Variants in CSTPP1 observed in about 807,000 individuals in gnomAD.
The protein encoded by CSTPP1 is UPF0705 protein C11orf49.
the CSTPP1 span, among the ~76,000 whole-genome samples, chr11:47,076,985 T>C: frequency 6.9e-6 from 1 of 144,086 alleles, no homozygotes; most frequent in Non-Finnish European, 1.5e-5. Context: ...AAAAGAAAAC[T>C]GAAGGCCCAG....
the CSTPP1 span, chr11:47,157,044 C>T: frequency 6.2e-7 from 1 of 1,614,108 alleles, no homozygotes; most frequent in Admixed American, 1.7e-5. Flanking sequence ...AGTGTGGCTG[C>T]CATCTATGAG....
At chr11:47,037,049 C>G in the CSTPP1 span, among the ~76,000 whole-genome samples, 112 of 126,702 alleles carry the variant, frequency 8.8e-4, 11 homozygotes, top group African/African-American at 2.7e-3. Context: ...AGGGAAAGAA[C>G]AAGATGATCC....
At chr11:47,105,866 C>G in the CSTPP1 span, among the ~76,000 whole-genome samples, 1 of 152,220 alleles carries the variant, frequency 6.6e-6, no homozygotes, top group Non-Finnish European at 1.5e-5. Context: ...AGGGACTAAA[C>G]ACAAAGTAGT....
the CSTPP1 span, chr11:47,041,284 T>C: frequency 3.8e-6 from 1 of 262,588 alleles, no homozygotes; most frequent in Non-Finnish European, 8.1e-6. Context: ...AGCTCCTGGA[T>C]CAGTCACTCT....
At chr11:47,025,247 C>A in the CSTPP1 span, among the ~76,000 whole-genome samples, 2 of 151,996 alleles carry the variant, frequency 1.3e-5, no homozygotes, top group African/African-American at 4.8e-5. Context: ...AAAAGTGAGA[C>A]CAACTTTGGA....
chr11:47,012,533 C>CT, the CSTPP1 span, among the ~76,000 whole-genome samples: 3 of 151,776 alleles, frequency 2.0e-5, 1 homozygote, highest in South Asian at 6.2e-4. Flanking sequence ...GCAAAGCAAA[C>CT]TTTATTTGCT....
the CSTPP1 span, among the ~76,000 whole-genome samples, chr11:47,083,765 T>G: frequency 6.6e-6 from 1 of 152,254 alleles, no homozygotes; most frequent in South Asian, 2.1e-4. Flanking sequence ...TCATCCACAT[T>G]GTGGAATGTA....
At chr11:46,974,307 C>G in the CSTPP1 span, among the ~76,000 whole-genome samples, 10 of 151,962 alleles carry the variant, frequency 6.6e-5, no homozygotes, top group Non-Finnish European at 1.5e-4. Context: ...GCGGGCAGAT[C>G]GCTTGAGGTC....
chr11:47,119,933 G>GGA, the CSTPP1 span, among the ~76,000 whole-genome samples: 3 of 152,044 alleles, frequency 2.0e-5, no homozygotes, highest in African/African-American at 7.2e-5. Flanking sequence ...TAATGATGAT[G>GGA]GAATTGAAGC....
the CSTPP1 span, among the ~76,000 whole-genome samples, chr11:47,008,243 G>A: frequency 6.6e-6 from 1 of 152,162 alleles, no homozygotes; most frequent in Non-Finnish European, 1.5e-5. Context: ...GGGATTACAG[G>A]TGTGAGCCAC....
chr11:46,992,808 GCCACACTGTCTT>G, the CSTPP1 span, among the ~76,000 whole-genome samples: 1 of 152,156 alleles, frequency 6.6e-6, no homozygotes. Context: ...TTGAGGAATC[GCCACACTGTCTT>G]CCATAATGGT....
the CSTPP1 span, among the ~76,000 whole-genome samples, chr11:47,089,456 A>G: frequency 2.0e-5 from 3 of 152,204 alleles, no homozygotes; most frequent in Non-Finnish European, 2.9e-5. Flanking sequence ...TTGGTAAGAT[A>G]AGAACATTAG....
the CSTPP1 span, among the ~76,000 whole-genome samples, chr11:46,990,348 G>C: frequency 6.6e-6 from 1 of 152,184 alleles, no homozygotes; most frequent in Non-Finnish European, 1.5e-5. Flanking sequence ...TGACTGGCAT[G>C]AGATGGTATC....
the CSTPP1 span, chr11:47,161,027 T>TC: frequency 6.7e-7 from 1 of 1,492,966 alleles, no homozygotes; most frequent in Non-Finnish European, 9.3e-7. Context: ...CCTCGCAGGG[T>TC]CAGCAGAACA....
At chr11:46,951,612 T>C in the CSTPP1 span, among the ~76,000 whole-genome samples, 49 of 152,276 alleles carry the variant, frequency 3.2e-4, 1 homozygote, top group Admixed American at 1.2e-3. Context: ...AGAAGATAAT[T>C]TAACATTTTC....
chr11:47,024,348 G>A, the CSTPP1 span, among the ~76,000 whole-genome samples: 5 of 151,234 alleles, frequency 3.3e-5, no homozygotes, highest in Admixed American at 3.3e-4. Context: ...TTACAAGTGT[G>A]AGCCACTTCA....
chr11:47,158,437 T>A, the CSTPP1 span, among the ~76,000 whole-genome samples: 3 of 152,294 alleles, frequency 2.0e-5, 1 homozygote, highest in South Asian at 6.2e-4. Flanking sequence ...TTTTTTTCAC[T>A]GAGCCTTCTC....
chr11:47,161,264 G>A, the CSTPP1 span: 39 of 1,611,876 alleles, frequency 2.4e-5, no homozygotes, highest in Admixed American at 5.9e-4. Context: ...CCCCATCTGG[G>A]GCCAACACCA....
At chr11:47,163,098 G>A in the CSTPP1 span, among the ~76,000 whole-genome samples, 1 of 151,626 alleles carries the variant, frequency 6.6e-6, no homozygotes, top group Non-Finnish European at 1.5e-5. Context: ...CTTGAACCCA[G>A]GAGGTTGAGG....
Sources: gnomAD v4.1 joint callset for allele counts (sites outside exome capture counted in the v4.1 genomes callset) on GRCh38, gnomAD v4.1.1 for gene constraint, MANE v1.5 for transcripts, NCBI Gene and HGNC (gene_info 2026-07-23, HGNC 2026-07-21) for gene names.